Variants in AKAP17A observed in about 807,000 individuals in gnomAD.
AKAP17A encodes the protein A-kinase anchoring protein 17A, also known as A-kinase anchor protein 17A.
AKAP17A carries 15 observed loss-of-function variants against 52.2 expected under a neutral mutation model. The observed-to-expected ratio is 0.29, with a 90% CI of 0.19 to 0.44. The LOEUF is 0.44. Among genes scored for constraint, AKAP17A ranks in the 20% least tolerant of loss-of-function variants. The probability of loss-of-function intolerance (pLI) is 1.00; values close to 1 mark genes in which losing one functional copy is unlikely to be tolerated. For synonymous variants in AKAP17A, 514 were observed against 424.7 expected (o/e 1.21, Z -2.58); for missense variants, 1,060 against 1,007.0 (o/e 1.05, Z -0.71).
intron 1 of AKAP17A, among the ~76,000 whole-genome samples, chrX:1,592,557 C>T (rs1204903026): frequency 6.6e-6 from 1 of 152,032 alleles, no homozygotes; most frequent in Admixed American, 6.6e-5. Context: ...CTTTTCTGGT[C>T]GCTTCTCCAC....
chrX:1,600,290 A>C, intron 4 of AKAP17A: 1 of 997,750 alleles, frequency 1.0e-6, no homozygotes, highest in Non-Finnish European at 1.4e-6. Flanking sequence ...GCGTCATCTC[A>C]GCTCCCTGTT....
At chrX:1,599,081 C>T in intron 3 of AKAP17A, 111 bp from the exon 4 acceptor site, 2 of 1,493,858 alleles carry the variant, frequency 1.3e-6, no homozygotes, top group Middle Eastern at 2.5e-4. Context: ...GAGTTAAATG[C>T]TTAATCGTTG....
chrX:1,600,545 C>A (rs140297499), intron 4 of AKAP17A, 114 bp from the exon 5 acceptor site: 1 of 1,105,228 alleles, frequency 9.0e-7, no homozygotes, highest in Non-Finnish European at 1.3e-6. Context: ...CCAGCCAGGC[C>A]GCTGATCCTG....
At position 1,599,260 on chromosome X, in the gene AKAP17A, A is replaced by G. The variant is rs1933210037; in HGVS notation, c.980A>G (p.Gln327Arg). The G allele has an allele frequency of 1.9e-6, 3 of 1,612,696 alleles. No individual in the cohort carries two copies. Among genetic ancestry groups the G allele is most frequent in the Non-Finnish European group, 1.7e-6 (2 of 1,179,788 alleles). Reference protein sequence around the residue: ...KREEKLRKREQKQRDRELRRN... With the variant: ...KREEKLRKRERKQRDRELRRN... ...GAAGAGAAGCTTCGCAAGAGGGAGC[A>G]GAAGCAGAGGGACCGTGAGCTGCGC... is the stretch of plus-strand genomic sequence containing the variant. The change falls in exon 4 of 5, where the codon CAG becomes CGG. Residue 327 changes from glutamine (Q) to arginine (R), a missense_variant. Coordinates refer to ENST00000313871, the MANE Select transcript of AKAP17A (RefSeq NM_005088.3).
chrX:1,593,887 C>T lies in AKAP17A; in HGVS notation c.425C>T (p.Pro142Leu), dbSNP rs750340934. Residue 142 changes from proline (P) to leucine (L), a missense_variant, in exon 2 of 5, where the codon CCG (proline) becomes CTG (leucine). By Grantham distance (98) the Pro-to-Leu change is moderately conservative. Transcript: ENST00000313871. ...GCCAAGGACATGAACGAGACCCTGC[C>T]GGGGGAGCGGCCGGACACCATCCAC... ...RDAKDMNETL[P>L]GERPDTIHLE... The T allele has an allele frequency of 2.5e-6, 4 of 1,612,260 alleles. No individual in the cohort carries two copies. Among genetic ancestry groups the T allele is most frequent in the South Asian group, 2.2e-5 (2 of 90,880 alleles).
rs758932131 is a variant in AKAP17A at position 1,599,409 on chromosome X, G to A, written c.1129G>A (p.Ala377Thr). The change falls in exon 4 of 5, where the codon GCC becomes ACC. Residue 377 changes from alanine to threonine, a missense_variant. Physicochemically the swap from Ala to Thr is moderately conservative, Grantham distance 58. Around this residue, in one of 2 missense-constraint regions of AKAP17A, gnomAD observed 793 missense variants for 629.9 expected, o/e 1.26. Coordinates refer to ENST00000313871, the MANE Select transcript of AKAP17A (RefSeq NM_005088.3). ...GAACCTGCAGTCCATCCGGCTCATC[G>A]CCGAGCTGCTCAGCAGAGCCAAGGT... ...QRNLQSIRLI[A>T]ELLSRAKAVK... 135 of 1,567,410 alleles carry A rather than the reference G, an allele frequency of 8.6e-5. No homozygotes were observed. The East Asian group carries it at 1.6e-3, about 18-fold the overall frequency.
intron 1 of AKAP17A, among the ~76,000 whole-genome samples, 179 bp downstream of exon 1, chrX:1,591,948 G>A (rs1415968388): frequency 1.3e-5 from 2 of 149,940 alleles, no homozygotes; most frequent in African/African-American, 2.5e-5. Context: ...AAACTGTACG[G>A]GGGAATCGGG....
chrX:1,599,547 A>G (rs370792340), intron 4 of AKAP17A, 115 bp downstream of exon 4: 2 of 1,427,200 alleles, frequency 1.4e-6, no homozygotes, highest in African/African-American at 1.4e-5. Flanking sequence ...AGCTGTAGCT[A>G]CGAAACCAGC....
chrX:1,600,918 T>C lies in AKAP17A; in HGVS notation c.1412T>C (p.Leu471Pro). 1.3e-6 allele frequency: 2 copies of C among 1,575,978 alleles called. No individual in the cohort carries two copies. The highest frequency in any genetic ancestry group is 1.7e-6 in the Non-Finnish European group (2 of 1,164,554). ...CTGCTGCAGCCCGTCCTGGACATCC[T>C]GCAGACCGTGTCGTCCGGCTGTGTG... The part of the protein sequence containing the change: ...ADLLQPVLDI[L>P]QTVSSGCVSA... The change falls in exon 5 of 5, where the codon CTG becomes CCG. Residue 471 changes from leucine (L) to proline (P), a missense_variant. Coordinates refer to ENST00000313871, the MANE Select transcript of AKAP17A (RefSeq NM_005088.3).
In AKAP17A at chrX:1,601,488, G is replaced by A. The variant is rs200209560; in HGVS notation, c.1982G>A (p.Arg661Gln). Residue 661 changes from arginine (R) to glutamine (Q), a missense_variant, in exon 5 of 5, where the codon CGG becomes CAG. Physicochemically the swap from Arg to Gln is conservative, Grantham distance 43. Coordinates refer to ENST00000313871, the MANE Select transcript of AKAP17A (RefSeq NM_005088.3). Reference protein sequence around the residue: ...SKDRHRRERSRERRGSASRKH... With the variant: ...SKDRHRRERSQERRGSASRKH... ...GACAGGCACCGGAGGGAGCGGAGCC[G>A]GGAGCGGAGGGGCAGCGCCAGCAGG... The A allele has an allele frequency of 9.1e-5, 141 of 1,551,432 alleles. No homozygotes were observed. The highest frequency in any genetic ancestry group is 6.9e-4 in the Middle Eastern group (3 of 4,330).
chrX:1,593,723 C>T lies in AKAP17A; in HGVS notation c.261C>T (p.Ser87=). 1.2e-6 allele frequency: 2 copies of T among 1,613,998 alleles called. No individual in the cohort carries two copies. The highest frequency in any genetic ancestry group is 2.2e-5 in the East Asian group (1 of 44,892). Residue 87 remains serine (S), a synonymous_variant, in exon 2 of 5, where the codon AGC becomes AGT. Transcript: ENST00000313871. ...TCGAGGGGGAGGTGGAGAACAAGAG[C>T]CTGGTCAAGTCTTTTCTGGCCTGCC... ...IRFEGEVENK[S]LVKSFLACLD...
At chrX:1,598,956 G>C (rs1323846923) in intron 3 of AKAP17A, among the ~76,000 whole-genome samples, 1 of 152,156 alleles carries the variant, frequency 6.6e-6, no homozygotes, top group Non-Finnish European at 1.5e-5. Flanking sequence ...GTGGTTTCAG[G>C]GTTGGGTCAC....
chrX:1,599,079 T>A, intron 3 of AKAP17A, 113 bp from the exon 4 acceptor site: 2 of 1,490,264 alleles, frequency 1.3e-6, no homozygotes. Context: ...AAGAGTTAAA[T>A]GCTTAATCGT....
chrX:1,593,349 C>A, intron 1 of AKAP17A, 95 bp from the exon 2 acceptor site: 1 of 1,262,690 alleles, frequency 7.9e-7, no homozygotes, highest in Non-Finnish European at 1.1e-6. Context: ...TGTTTCTCTT[C>A]TCCGGGTCCA....
intron 3 of AKAP17A, among the ~76,000 whole-genome samples, chrX:1,598,396 G>C (rs1316027862): frequency 1.3e-5 from 2 of 152,120 alleles, no homozygotes; most frequent in Non-Finnish European, 2.9e-5. Flanking sequence ...GTCTGCGTGG[G>C]TCTGTGTCAC....
chrX:1,601,599 G>C lies in AKAP17A; in HGVS notation c.*5G>C. The C allele has an allele frequency of 1.4e-6, 2 of 1,420,192 alleles. No homozygotes were observed. Among genetic ancestry groups the C allele is most frequent in the Non-Finnish European group, 1.8e-6 (2 of 1,094,346 alleles). The allele number at this position is 1,420,192 out of a possible 1,614,324, so 88.0% of individuals were successfully genotyped here. On this transcript the variant is annotated 3_prime_UTR_variant, in exon 5 of 5. Transcript: ENST00000313871. ...CGCAGTACCTGGAACAGGTAATGAC[G>C]GGCACGGCCTCCCCACGGCCTGTCC... is the stretch of plus-strand genomic sequence containing the variant.
chrX:1,601,589 A>C lies in AKAP17A; in HGVS notation c.2083A>C (p.Arg695=). The change falls in exon 5 of 5, where the codon AGG becomes CGG. Residue 695 remains arginine, a synonymous_variant. Transcript: ENST00000313871. ...GAGCAGGCACCGCAGTACCTGGAAC[A>C]GGTAATGACGGGCACGGCCTCCCCA... ...SPSRHRSTWN[R] is the part of the protein sequence containing the mutation. 1 of 1,434,250 alleles carries C rather than the reference A, an allele frequency of 7.0e-7. No individual in the cohort carries two copies. Among genetic ancestry groups the C allele is most frequent in the Non-Finnish European group, 9.1e-7 (1 of 1,101,732 alleles). The allele number at this position is 1,434,250 out of a possible 1,614,324, so 88.8% of individuals were successfully genotyped here. A position where few individuals can be genotyped will look rare whatever the true frequency, so the allele number is the denominator to read the frequency against.
Position 1,601,077 on chromosome X carries a change from A to T in AKAP17A, c.1571A>T (p.Glu524Val). ...GSVAEEAPCK[E>V]VQSSCRVVPE... ...GTGGCCGAGGAGGCCCCATGCAAGG[A>T]GGTTCAGAGCTCCTGTCGTGTGGTC... is the stretch of plus-strand genomic sequence containing the variant. Residue 524 changes from glutamate (E) to valine (V), a missense_variant, in exon 5 of 5, where the codon GAG becomes GTG. Glu to Val is a moderately radical substitution (Grantham distance 121). Transcript: ENST00000313871. 6 of 1,613,578 alleles carry T rather than the reference A, an allele frequency of 3.7e-6. No individual in the cohort carries two copies. Among genetic ancestry groups the T allele is most frequent in the Non-Finnish European group, 3.4e-6 (4 of 1,179,704 alleles).
At position 1,601,387 on chromosome X, in the gene AKAP17A, C is replaced by A. The variant is rs372427563; in HGVS notation, c.1881C>A (p.His627Gln). ...PRKERRPHKK[H>Q]AYKDDSPRRR... is the part of the protein sequence containing the mutation. Reference sequence around the variant, plus strand: ...AGGAGCGGCGGCCCCACAAGAAGCACGCCTACAAGGATGACAGCCCCCGCC... The same window carrying A: ...AGGAGCGGCGGCCCCACAAGAAGCAAGCCTACAAGGATGACAGCCCCCGCC... The change falls in exon 5 of 5, where the codon CAC becomes CAA. Residue 627 changes from histidine to glutamine, a missense_variant. Transcript: ENST00000313871. 9 of 1,569,754 alleles carry A rather than the reference C, an allele frequency of 5.7e-6. No homozygotes were observed. The highest frequency in any genetic ancestry group is 7.7e-6 in the Non-Finnish European group (9 of 1,164,634).
Sources: gnomAD v4.1 joint callset for allele counts (sites outside exome capture counted in the v4.1 genomes callset) on GRCh38, gnomAD v4.1.1 for gene constraint, gnomAD v4.1.1 regional missense constraint, MANE v1.5 for transcripts, NCBI Gene and HGNC (gene_info 2026-07-23, HGNC 2026-07-21) for gene names.